The following CDK6 variants were observed in gnomAD, a reference collection of about 807,000 sequenced individuals.
The protein encoded by CDK6 is cyclin-dependent kinase 6.
Under a neutral mutation model 37.1 loss-of-function variants are expected in CDK6, and 6 were observed. That is an observed-to-expected ratio of 0.16 (90% CI 0.09 to 0.32). The LOEUF (loss-of-function observed/expected upper bound fraction) is 0.32, where lower values mean the gene tolerates loss of function less well. Among genes scored for constraint, CDK6 ranks in the 10% least tolerant of loss-of-function variants. The pLI is 1.00. For synonymous variants in CDK6, 160 were observed against 161.3 expected (o/e 0.99, Z 0.06); for missense variants, 224 against 418.9 (o/e 0.53, Z 4.06).
In CDK6 at chr7:92,612,543, G is replaced by C; in HGVS notation, c.*2597C>G. 4.3e-6 allele frequency: 1 copy of C among 233,112 alleles called. No individual in the cohort carries two copies. The highest frequency in any genetic ancestry group is 6.1e-5 in the East Asian group (1 of 16,526). 14.4% of individuals were successfully genotyped at this position (233,112 alleles called of 1,614,324 possible). A position where few individuals can be genotyped will look rare whatever the true frequency, so the allele number is the denominator to read the frequency against. ...CAACTACACCGATGGAAGAACTGGGGACAGATTTTTACAAAGTTCAGAGAG... is the reference window on the plus strand; with the variant it reads ...CAACTACACCGATGGAAGAACTGGGCACAGATTTTTACAAAGTTCAGAGAG... On this transcript the variant is annotated 3_prime_UTR_variant, in exon 8 of 8. Transcript: ENST00000424848.
At chr7:92,739,190 T>A (rs1187758184) in intron 3 of CDK6, among the ~76,000 whole-genome samples, 2 of 152,298 alleles carry the variant, frequency 1.3e-5, no homozygotes, top group East Asian at 3.9e-4. Context: ...CAATTATACT[T>A]CTCAAGACTG....
At chr7:92,665,405 T>G (rs1018223225) in intron 5 of CDK6, among the ~76,000 whole-genome samples, 9 of 152,150 alleles carry the variant, frequency 5.9e-5, no homozygotes, top group African/African-American at 2.2e-4. Flanking sequence ...TAAGGATGGG[T>G]TACTCTGGAT....
chr7:92,638,200 T>A (rs1438856547), intron 5 of CDK6, among the ~76,000 whole-genome samples: 1 of 152,212 alleles, frequency 6.6e-6, no homozygotes, highest in Non-Finnish European at 1.5e-5. Flanking sequence ...AAATAAACTT[T>A]TAGTATATCT....
chr7:92,679,781 T>G (rs1329963983), intron 4 of CDK6, among the ~76,000 whole-genome samples: 1 of 151,654 alleles, frequency 6.6e-6, no homozygotes, highest in Non-Finnish European at 1.5e-5. Flanking sequence ...AGTGCAGTGG[T>G]GTGATCTCGG....
intron 5 of CDK6, among the ~76,000 whole-genome samples, chr7:92,663,978 A>G (rs550145417): frequency 1.6e-4 from 24 of 151,224 alleles, no homozygotes; most frequent in Non-Finnish European, 2.7e-4. Context: ...CGTCTCTACT[A>G]AAAATACAAA....
At chr7:92,689,617 T>C (rs960471118) in intron 4 of CDK6, among the ~76,000 whole-genome samples, 6 of 152,188 alleles carry the variant, frequency 3.9e-5, no homozygotes, top group African/African-American at 7.2e-5. Context: ...GTCTTTATAA[T>C]AGAATGATTT....
chr7:92,731,212 G>A (rs1038564888), intron 3 of CDK6, among the ~76,000 whole-genome samples: 10 of 152,182 alleles, frequency 6.6e-5, no homozygotes, highest in Non-Finnish European at 1.5e-4. Context: ...TGAACAATGA[G>A]CTTCAAAGGC....
Position 92,780,039 on chromosome 7 carries a change from T to G in CDK6, c.234-5208A>C, listed in dbSNP as rs972010152. ...TGTTGTCCAGGCTGGAGTGCAGTGGTGCAATCTTGGCTCACTGCAACCTCC... is the reference window on the plus strand; with the variant it reads ...TGTTGTCCAGGCTGGAGTGCAGTGGGGCAATCTTGGCTCACTGCAACCTCC... On this transcript the variant is annotated intron_variant, in intron 2 of 7. Coordinates refer to ENST00000424848, the MANE Select transcript of CDK6 (RefSeq NM_001145306.2). Among the ~76,000 whole-genome samples the G allele has an allele frequency of 2.0e-5, 3 of 152,270 alleles. No homozygotes were observed. In the Middle Eastern group the frequency reaches 0.01, roughly 518 times the overall value.
chr7:92,713,734 C>T (rs1008864895), intron 4 of CDK6, among the ~76,000 whole-genome samples: 1 of 150,540 alleles, frequency 6.6e-6, no homozygotes, highest in Non-Finnish European at 1.5e-5. Flanking sequence ...AATATCCAAC[C>T]AGCTGACTAG....
chr7:92,711,552 A>ATTTTTTTTTTTTTTTTTTTTTTT (rs11285626), intron 4 of CDK6, among the ~76,000 whole-genome samples: 6 of 56,626 alleles, frequency 1.1e-4, no homozygotes, highest in African/African-American at 4.9e-4. Flanking sequence ...GAATGGTCAA[A>ATTTTTTTTTTTTTTTTTTTTTTT]TTTTTTTTTT....
intron 5 of CDK6, among the ~76,000 whole-genome samples, chr7:92,659,737 T>A (rs1796795595): frequency 6.6e-6 from 1 of 151,944 alleles, no homozygotes; most frequent in Non-Finnish European, 1.5e-5. Context: ...AAGACAATAC[T>A]CACATTTTAT....
chr7:92,691,579 G>C (rs1185006446), intron 4 of CDK6, among the ~76,000 whole-genome samples: 3 of 152,120 alleles, frequency 2.0e-5, no homozygotes, highest in African/African-American at 7.2e-5. Context: ...GAATCAGAGG[G>C]AGCCAAACAA....
At chr7:92,629,445 C>A (rs1488578637) in intron 5 of CDK6, among the ~76,000 whole-genome samples, 4 of 151,944 alleles carry the variant, frequency 2.6e-5, no homozygotes, top group Non-Finnish European at 2.9e-5. Flanking sequence ...AGGGACAAAC[C>A]CTACCATTTT....
At chr7:92,828,131 T>G (rs898940825) in intron 2 of CDK6, among the ~76,000 whole-genome samples, 1 of 152,060 alleles carries the variant, frequency 6.6e-6, no homozygotes, top group Non-Finnish European at 1.5e-5. Context: ...CATTTAACTA[T>G]AGCTATTTTA....
intron 2 of CDK6, among the ~76,000 whole-genome samples, chr7:92,827,768 T>A (rs1801363017): frequency 6.6e-6 from 1 of 152,148 alleles, no homozygotes; most frequent in Non-Finnish European, 1.5e-5. Flanking sequence ...ACACCCAGAT[T>A]TCATCTCTGC....
chr7:92,715,266 C>T (rs956200842), intron 4 of CDK6, among the ~76,000 whole-genome samples: 12 of 151,860 alleles, frequency 7.9e-5, no homozygotes, highest in African/African-American at 2.9e-4. Context: ...AACTTTATAT[C>T]AGTATCCAAA....
rs905503720 is a variant in CDK6 at position 92,614,698 on chromosome 7, C to CAT, written c.*441_*442insAT. On this transcript the variant is annotated 3_prime_UTR_variant, in exon 8 of 8. Transcript: ENST00000424848. The stretch of plus-strand genomic sequence containing the variant: ...AAAAGATCACAGAATCTCTCACATA[C>CAT]ACACACACACACACACACACACACA... 26 of 31,698 alleles carry CAT rather than the reference C, an allele frequency of 8.2e-4. No homozygotes were observed. In the African/African-American group the frequency reaches 0.013, roughly 16 times the overall value. 2.0% of individuals were successfully genotyped at this position (31,698 alleles called of 1,614,324 possible).
intron 3 of CDK6, among the ~76,000 whole-genome samples, chr7:92,751,086 C>A (rs1012111149): frequency 6.6e-6 from 1 of 152,118 alleles, no homozygotes; most frequent in Non-Finnish European, 1.5e-5. Context: ...ATACAAAACA[C>A]TAACTAGACA....
intron 2 of CDK6, among the ~76,000 whole-genome samples, chr7:92,832,488 A>T (rs1175381028): frequency 6.6e-6 from 1 of 152,256 alleles, no homozygotes; most frequent in African/African-American, 2.4e-5. Context: ...GCTGTTTGAG[A>T]TTGGGCATCA....
Sources: gnomAD v4.1 joint callset for allele counts (sites outside exome capture counted in the v4.1 genomes callset) on GRCh38, gnomAD v4.1.1 for gene constraint, MANE v1.5 for transcripts, NCBI Gene and HGNC (gene_info 2026-07-23, HGNC 2026-07-21) for gene names.